Variants in APP observed in about 807,000 individuals in gnomAD.
APP encodes the protein amyloid-beta precursor protein.
In APP, 31 loss-of-function variants were observed where a neutral mutation model predicts 101.4. That is an observed-to-expected ratio of 0.31 (90% CI 0.23 to 0.41). APP has a LOEUF of 0.41. APP is among the 10% of genes least tolerant of loss of function. The probability of loss-of-function intolerance (pLI) is 1.00; values close to 1 mark genes in which losing one functional copy is unlikely to be tolerated. For synonymous variants in APP, 366 were observed against 364.4 expected (o/e 1.00, Z -0.05); for missense variants, 839 against 1,003.7 (o/e 0.84, Z 2.22).
At chr21:26,153,005 A>G (rs8126837) in intron 1 of APP, among the ~76,000 whole-genome samples, 3 of 151,982 alleles carry the variant, frequency 2.0e-5, no homozygotes, top group Non-Finnish European at 4.4e-5. Flanking sequence ...ACTTGGATAG[A>G]GCTGGAGGCC....
intron 1 of APP, among the ~76,000 whole-genome samples, chr21:26,118,273 C>A (rs2146225846): frequency 6.6e-6 from 1 of 152,228 alleles, no homozygotes; most frequent in South Asian, 2.1e-4. Flanking sequence ...AGAGTGGCAT[C>A]TACTGCTAGG....
At chr21:26,057,646 G>A (rs2046097861) in intron 3 of APP, among the ~76,000 whole-genome samples, 1 of 152,090 alleles carries the variant, frequency 6.6e-6, no homozygotes. Context: ...GTCTTTGGGA[G>A]GACTGTCTAG....
At chr21:26,153,700 A>T (rs568722372) in intron 1 of APP, among the ~76,000 whole-genome samples, 2 of 152,354 alleles carry the variant, frequency 1.3e-5, no homozygotes, top group African/African-American at 4.8e-5. Context: ...AATCGTTTTC[A>T]TCAGAATATA....
intron 1 of APP, among the ~76,000 whole-genome samples, chr21:26,129,641 T>C (rs1183074776): frequency 1.3e-5 from 2 of 152,144 alleles, no homozygotes; most frequent in Admixed American, 1.3e-4. Flanking sequence ...AAATTGCATT[T>C]GTGAAATTCA....
chr21:25,994,302 G>C (rs756123922), intron 8 of APP, among the ~76,000 whole-genome samples: 9 of 151,920 alleles, frequency 5.9e-5, no homozygotes, highest in Admixed American at 1.3e-4. Flanking sequence ...CTCAGCTCTC[G>C]TAAGATTCTT....
At chr21:25,914,592 C>A (rs886674886) in intron 13 of APP, among the ~76,000 whole-genome samples, 1 of 132,352 alleles carries the variant, frequency 7.6e-6, no homozygotes, top group East Asian at 2.2e-4. Flanking sequence ...CTTGCTCTGT[C>A]GCCCAGGCTG....
intron 13 of APP, chr21:25,929,060 A>G (rs2040027685): frequency 6.6e-6 from 1 of 152,156 alleles, no homozygotes; most frequent in Non-Finnish European, 1.5e-5. Flanking sequence ...ATTATTTCAT[A>G]TGGTCTTTAA....
chr21:26,169,107 G>C (rs935009732), intron 1 of APP: 1 of 152,204 alleles, frequency 6.6e-6, no homozygotes, highest in Non-Finnish European at 1.5e-5. Context: ...TGGCCCAACT[G>C]TCATGCAAAC....
At chr21:25,968,482 A>C (rs910485647) in intron 11 of APP, among the ~76,000 whole-genome samples, 1 of 152,212 alleles carries the variant, frequency 6.6e-6, no homozygotes. Context: ...TTTTAAATAC[A>C]TGTGCCTATA....
At chr21:25,998,835 A>G (rs1244972991) in intron 7 of APP, among the ~76,000 whole-genome samples, 1 of 152,214 alleles carries the variant, frequency 6.6e-6, no homozygotes, top group Admixed American at 6.5e-5. Flanking sequence ...TGGGAATTTC[A>G]CTTGGAAGTC....
chr21:26,008,706 A>C (rs2043647094), intron 6 of APP, among the ~76,000 whole-genome samples: 1 of 152,210 alleles, frequency 6.6e-6, no homozygotes, highest in Non-Finnish European at 1.5e-5. Context: ...ATAGGGGCAC[A>C]AGTGAACACA....
At chr21:26,014,017 AC>A (rs1317781494) in intron 6 of APP, among the ~76,000 whole-genome samples, 1 of 102 alleles carries the variant, frequency 9.8e-3, no homozygotes, top group Non-Finnish European at 0.026. Context: ...GCATGCTACA[AC>A]CCGGGCGAGA....
chr21:26,046,667 T>C (rs2045624254), intron 5 of APP, among the ~76,000 whole-genome samples: 1 of 152,022 alleles, frequency 6.6e-6, no homozygotes, highest in Non-Finnish European at 1.5e-5. Flanking sequence ...GATTGTTTCT[T>C]AAAAAAAATG....
chr21:26,104,947 C>T (rs970059171), intron 2 of APP, among the ~76,000 whole-genome samples: 1 of 150,544 alleles, frequency 6.6e-6, no homozygotes, highest in Non-Finnish European at 1.5e-5. Context: ...ATATTTTGGT[C>T]ATGAGAGACA....
At chr21:26,011,164 C>T (rs1601200157) in intron 6 of APP, among the ~76,000 whole-genome samples, 1 of 152,132 alleles carries the variant, frequency 6.6e-6, no homozygotes, top group East Asian at 1.9e-4. Context: ...CAACCTCAAC[C>T]TCCCAGGTTC....
At chr21:26,016,937 CGGGGGGCGGGGGGCG>C (rs1373827209) in intron 6 of APP, among the ~76,000 whole-genome samples, 1 of 8,232 alleles carries the variant, frequency 1.2e-4, no homozygotes, top group East Asian at 0.01. Flanking sequence ...TTGTGGGGGG[CGGGGGGCGGGGGGCG>C]GGGGGTGCCG....
rs1479152101 is a variant in APP at position 25,986,113 on chromosome 21, A to G, written c.1091-3636T>C. Among the ~76,000 whole-genome samples, 4 of 152,172 alleles carry G rather than the reference A, an allele frequency of 2.6e-5. No homozygotes were observed. In the East Asian group the frequency reaches 7.7e-4, roughly 29 times the overall value. On this transcript the variant is annotated intron_variant, in intron 8 of 17. Coordinates refer to ENST00000346798, the MANE Select transcript of APP (RefSeq NM_000484.4). Reference sequence around the variant, plus strand: ...TGACTACCATTTTGTGATTATGTCCACAGAAGGCCAGAGACACGTGTGCCC... The same window carrying G: ...TGACTACCATTTTGTGATTATGTCCGCAGAAGGCCAGAGACACGTGTGCCC...
chr21:25,915,919 T>G (rs2039325593), intron 13 of APP, among the ~76,000 whole-genome samples: 1 of 151,724 alleles, frequency 6.6e-6, no homozygotes, highest in African/African-American at 2.4e-5. Context: ...AGTGAAAAAG[T>G]GACAGATTCA....
At chr21:26,137,741 T>A (rs1444982773) in intron 1 of APP, among the ~76,000 whole-genome samples, 1 of 152,060 alleles carries the variant, frequency 6.6e-6, no homozygotes, top group East Asian at 1.9e-4. Flanking sequence ...ATAATATAAG[T>A]CAGAGTAAAA....
Sources: gnomAD v4.1 joint callset for allele counts (sites outside exome capture counted in the v4.1 genomes callset) on GRCh38, gnomAD v4.1.1 for gene constraint, MANE v1.5 for transcripts, NCBI Gene and HGNC (gene_info 2026-07-23, HGNC 2026-07-21) for gene names.